LRP4: variants seen among roughly 807,000 people sequenced by gnomAD.
LRP4 encodes low-density lipoprotein receptor-related protein 4.
Under a neutral mutation model 220.3 loss-of-function variants are expected in LRP4, and 95 were observed. The ratio of observed to expected loss-of-function variants is 0.43; its 90% CI spans 0.37 to 0.51. The LOEUF (loss-of-function observed/expected upper bound fraction) is 0.51. LRP4 is among the 20% of genes least tolerant of loss of function. The pLI is 0.00. For synonymous variants in LRP4, 903 were observed against 954.6 expected (o/e 0.95, Z 1.00); for missense variants, 1,925 against 2,567.0 (o/e 0.75, Z 5.40).
At position 46,898,882 on chromosome 11, in the gene LRP4, C is replaced by T. The variant is rs1353396489; in HGVS notation, c.676+22G>A. Reference sequence around the variant, plus strand: ...TCTTCCCAGCCTGGCCTCCCCACCTCCCAGCTGGCCAGAGTACTCACAGCA... The same window carrying T: ...TCTTCCCAGCCTGGCCTCCCCACCTTCCAGCTGGCCAGAGTACTCACAGCA... On this transcript the variant is annotated intron_variant, in intron 6 of 37. Transcript: ENST00000378623. 5.6e-6 allele frequency: 9 copies of T among 1,613,742 alleles called. No homozygotes were observed. The South Asian group carries it at 8.8e-5, about 16-fold the overall frequency.
At chr11:46,909,423 G>A (rs953759593) in intron 1 of LRP4, among the ~76,000 whole-genome samples, 2 of 92,902 alleles carry the variant, frequency 2.2e-5, no homozygotes, top group Non-Finnish European at 4.3e-5. Context: ...TGGCTAACAA[G>A]GTGAAACCCC....
chr11:46,884,024 C>T (rs1565788897), intron 18 of LRP4, 48 bp from the exon 19 acceptor site: 1 of 1,458,690 alleles, frequency 6.9e-7, no homozygotes, highest in Non-Finnish European at 9.6e-7. Context: ...TTCATTCACC[C>T]TCTTACCTTC....
intron 28 of LRP4, chr11:46,874,509 A>G: frequency 2.4e-6 from 1 of 419,604 alleles, no homozygotes; most frequent in Non-Finnish European, 4.3e-6. Flanking sequence ...GGATTCTTGG[A>G]GCTCCCTCAG....
chr11:46,917,476 G>A (rs7940441), intron 1 of LRP4, among the ~76,000 whole-genome samples: 90,078 of 152,006 alleles, frequency 0.59, 30,072 homozygotes, highest in Non-Finnish European at 0.76. Context: ...CCACACAACA[G>A]GGGGTACGGG....
At chr11:46,880,163 G>A (rs1592527773) in intron 20 of LRP4, among the ~76,000 whole-genome samples, 1 of 152,080 alleles carries the variant, frequency 6.6e-6, no homozygotes, top group Non-Finnish European at 1.5e-5. Flanking sequence ...AAAAGCTGAG[G>A]AAATGTTCCA....
chr11:46,878,210 T>C (rs574675928), intron 22 of LRP4, among the ~76,000 whole-genome samples: 5 of 152,062 alleles, frequency 3.3e-5, no homozygotes, highest in South Asian at 2.1e-4. Context: ...AGGAGGGTAC[T>C]GTGACATTGT....
At chr11:46,863,041 C>T (rs1940599919) in intron 36 of LRP4, 1 of 419,892 alleles carries the variant, frequency 2.4e-6, no homozygotes, top group Non-Finnish European at 4.5e-6. Flanking sequence ...GGAGAAGCAA[C>T]CTGCCATGTT....
chr11:46,898,487 G>T, intron 7 of LRP4, 71 bp downstream of exon 7: 1 of 1,601,928 alleles, frequency 6.2e-7, no homozygotes, highest in Non-Finnish European at 8.5e-7. Flanking sequence ...CGCCCAGCCG[G>T]TAGTGGCCTC....
At chr11:46,914,643 C>T (rs964670534) in intron 1 of LRP4, among the ~76,000 whole-genome samples, 1 of 152,154 alleles carries the variant, frequency 6.6e-6, no homozygotes, top group African/African-American at 2.4e-5. Context: ...GGCCCAGATG[C>T]CCCATGTCCA....
At chr11:46,917,538 G>T (rs955092084) in intron 1 of LRP4, among the ~76,000 whole-genome samples, 1 of 152,208 alleles carries the variant, frequency 6.6e-6, no homozygotes, top group Admixed American at 6.5e-5. Flanking sequence ...CTGGGACCCT[G>T]CCGCGAGGGC....
At position 46,900,389 on chromosome 11, in the gene LRP4, GGAAAA is replaced by G. The variant is rs760673637; in HGVS notation, c.200-16_200-12del. 1.9e-5 allele frequency: 29 copies of G among 1,542,148 alleles called. No individual in the cohort carries two copies. The highest frequency in any genetic ancestry group is 1.2e-4 in the African/African-American group (9 of 73,424). The stretch of plus-strand genomic sequence containing the variant: ...AACAGGTAGGTAGTACTGAATCCCA[GGAAAA>G]GAAAAGAAAAGTCAATCAACCTGGT... On this transcript the variant is annotated splice_polypyrimidine_tract_variant and intron_variant, in intron 2 of 37. Transcript: ENST00000378623.
At chr11:46,867,182 C>T (rs935710754) in intron 34 of LRP4, among the ~76,000 whole-genome samples, 2 of 152,006 alleles carry the variant, frequency 1.3e-5, no homozygotes, top group East Asian at 3.9e-4. Flanking sequence ...GAGAACTGTT[C>T]GTGTTTATGC....
chr11:46,892,141 C>T (rs575219981), intron 13 of LRP4, among the ~76,000 whole-genome samples: 3 of 152,162 alleles, frequency 2.0e-5, no homozygotes, highest in Non-Finnish European at 4.4e-5. Context: ...CTATGTTGCC[C>T]AGGCTGATCT....
At chr11:46,867,235 G>A (rs779877751) in intron 34 of LRP4, among the ~76,000 whole-genome samples, 3 of 151,748 alleles carry the variant, frequency 2.0e-5, no homozygotes, top group Non-Finnish European at 2.9e-5. Context: ...TGTGTGTTGC[G>A]GGGGGGTGCA....
In LRP4 at chr11:46,899,508, G is replaced by A; in HGVS notation, c.431-5C>T. The A allele has an allele frequency of 6.3e-7, 1 of 1,598,504 alleles. No homozygotes were observed. The highest frequency in any genetic ancestry group is 8.6e-7 in the Non-Finnish European group (1 of 1,166,694). Reference sequence around the variant, plus strand: ...TGTCGGAGCACTTGCGCATGTCTGGGGGGATGCGATGGGACAGCAGTTCTG... The same window carrying A: ...TGTCGGAGCACTTGCGCATGTCTGGAGGGATGCGATGGGACAGCAGTTCTG... On this transcript the variant is annotated splice_polypyrimidine_tract_variant and splice_region_variant and intron_variant, in intron 4 of 37. Coordinates refer to ENST00000378623, the MANE Select transcript of LRP4 (RefSeq NM_002334.4). The surrounding 1 kb of genome is among the most constrained non-coding windows in gnomAD (Gnocchi z 5.9).
chr11:46,876,844 G>C lies in LRP4; in HGVS notation c.3278-14C>G. The C allele has an allele frequency of 1.2e-6, 2 of 1,608,802 alleles. No homozygotes were observed. Among genetic ancestry groups the C allele is most frequent in the Non-Finnish European group, 1.7e-6 (2 of 1,175,662 alleles). On this transcript the variant is annotated splice_polypyrimidine_tract_variant and intron_variant, in intron 23 of 37. Transcript: ENST00000378623. Reference sequence around the variant, plus strand: ...AGTACACCTTTCCTGGAGAGGGAAAGCTTGGCTCAACCTAGACCCTCACCG... The same window carrying C: ...AGTACACCTTTCCTGGAGAGGGAAACCTTGGCTCAACCTAGACCCTCACCG...
rs930944422 is a variant in LRP4 at position 46,873,752 on chromosome 11, A to T, written c.4230-159T>A. 8.3e-6 allele frequency: 5 copies of T among 605,566 alleles called. No homozygotes were observed. Among genetic ancestry groups the T allele is most frequent in the Middle Eastern group, 4.2e-4 (1 of 2,402 alleles). 37.5% of individuals were successfully genotyped at this position (605,566 alleles called of 1,614,324 possible). A position where few individuals can be genotyped will look rare whatever the true frequency, so the allele number is the denominator to read the frequency against. On this transcript the variant is annotated intron_variant, in intron 28 of 37. Coordinates refer to ENST00000378623, the MANE Select transcript of LRP4 (RefSeq NM_002334.4). The surrounding 1 kb of genome is among the most constrained non-coding windows in gnomAD (Gnocchi z 4.2). ...CATTCCTCAGCACCCAGCATGATAG[A>T]TGTTCAATAAAATAATTGCAGAATG...
At position 46,873,667 on chromosome 11, in the gene LRP4, A is replaced by G; in HGVS notation, c.4230-74T>C. ...GAGTAGAACTTTAACCCATGTTCCC[A>G]TAACTGGACCCCACTGAACTGTAAG... On this transcript the variant is annotated intron_variant, in intron 28 of 37. Coordinates refer to ENST00000378623, the MANE Select transcript of LRP4 (RefSeq NM_002334.4). The surrounding 1 kb of genome is among the most constrained non-coding windows in gnomAD (Gnocchi z 4.2). The G allele has an allele frequency of 8.0e-7, 1 of 1,250,296 alleles. No homozygotes were observed. The highest frequency in any genetic ancestry group is 1.3e-5 in the South Asian group (1 of 75,140). 77.5% of individuals were successfully genotyped at this position (1,250,296 alleles called of 1,614,324 possible).
chr11:46,881,199 G>C (rs1054012303), intron 20 of LRP4, among the ~76,000 whole-genome samples: 2 of 151,888 alleles, frequency 1.3e-5, no homozygotes, highest in African/African-American at 2.4e-5. Flanking sequence ...TGGAGTCAAG[G>C]GCAGGCTGTC....
Sources: allele counts gnomAD v4.1 joint callset (sites outside exome capture counted in the v4.1 genomes callset), GRCh38; gene constraint gnomAD v4.1.1; non-coding constraint Gnocchi (gnomAD v3.1); transcripts MANE v1.5; gene names NCBI Gene and HGNC (gene_info 2026-07-23, HGNC 2026-07-21).